Variants in FHIT observed in about 807,000 individuals in gnomAD.
The protein encoded by FHIT is fragile histidine triad diadenosine triphosphatase.
In FHIT, 19 loss-of-function variants were observed where a neutral mutation model predicts 17.9. The observed-to-expected ratio is 1.06, with a 90% confidence interval of 0.74 to 1.56. The LOEUF (loss-of-function observed/expected upper bound fraction) is 1.56. Among genes scored for constraint, FHIT ranks in the 40% most tolerant of loss-of-function variants. The pLI is 0.00. For missense variants in FHIT, 248 were observed against 189.2 expected (o/e 1.31, Z -1.82); for synonymous variants, 81 against 69.7 (o/e 1.16, Z -0.81).
intron 5 of FHIT, among the ~76,000 whole-genome samples, chr3:60,330,268 G>A (rs558437054): frequency 2.0e-5 from 3 of 152,226 alleles, no homozygotes; most frequent in South Asian, 2.1e-4. Flanking sequence ...GGATTCAAAC[G>A]GGTCATAAAC....
intron 8 of FHIT, among the ~76,000 whole-genome samples, chr3:59,778,295 T>G (rs1438049580): frequency 1.3e-5 from 2 of 151,968 alleles, no homozygotes; most frequent in Non-Finnish European, 1.5e-5. Context: ...GGATAAAGAG[T>G]AAAAGTGACG....
chr3:60,674,118 A>T (rs1458256559), intron 4 of FHIT, among the ~76,000 whole-genome samples: 3 of 152,118 alleles, frequency 2.0e-5, no homozygotes, highest in Non-Finnish European at 4.4e-5. Context: ...TGTTCTTCAG[A>T]TCAGACAATT....
At chr3:60,677,592 TGTG>T (rs2040651801) in intron 4 of FHIT, among the ~76,000 whole-genome samples, 1 of 151,594 alleles carries the variant, frequency 6.6e-6, no homozygotes, top group Non-Finnish European at 1.5e-5. Context: ...TGTATATACA[TGTG>T]GTGTGTGTGT....
chr3:59,796,283 C>T (rs115082158), intron 8 of FHIT, among the ~76,000 whole-genome samples: 414 of 152,236 alleles, frequency 2.7e-3, no homozygotes, highest in Non-Finnish European at 4.8e-3. Context: ...GGCTCTGGGC[C>T]ACCCAGACCC....
chr3:61,114,772 A>C (rs1294339527), intron 2 of FHIT, among the ~76,000 whole-genome samples: 1 of 151,964 alleles, frequency 6.6e-6, no homozygotes, highest in African/African-American at 2.4e-5. Flanking sequence ...GACCCGGTGG[A>C]CTTCCTGGTC....
chr3:60,488,828 G>C lies in FHIT; in HGVS notation c.103+48032C>G, dbSNP rs187038377. Among the ~76,000 whole-genome samples, 243 of 152,254 alleles carry C rather than the reference G, an allele frequency of 1.6e-3. 3 individuals carry two copies. Among genetic ancestry groups the C allele is most frequent in the Non-Finnish European group, 3.5e-4 (24 of 68,010 alleles). ...AGAAAGACCAGTTATCTAACAGCCA[G>C]AAGGAAAATCAAGATAAAAACTTGG... On this transcript the variant is annotated intron_variant, in intron 5 of 9. Transcript: ENST00000492590.
At chr3:60,020,959 T>G (rs1362665119) in intron 5 of FHIT, among the ~76,000 whole-genome samples, 1 of 152,224 alleles carries the variant, frequency 6.6e-6, no homozygotes, top group African/African-American at 2.4e-5. Flanking sequence ...CATCTTGCTT[T>G]GTTTGGGCCA....
At chr3:60,209,174 T>C (rs1280018242) in intron 5 of FHIT, among the ~76,000 whole-genome samples, 1 of 152,194 alleles carries the variant, frequency 6.6e-6, no homozygotes, top group East Asian at 1.9e-4. Flanking sequence ...AACATATTTT[T>C]AATATGTTAT....
At chr3:60,352,745 T>G (rs1012148472) in intron 5 of FHIT, among the ~76,000 whole-genome samples, 2 of 152,136 alleles carry the variant, frequency 1.3e-5, no homozygotes, top group African/African-American at 4.8e-5. Context: ...ACTCCTAGCT[T>G]CAAGTGATCC....
chr3:59,868,097 T>C (rs962051166), intron 8 of FHIT, among the ~76,000 whole-genome samples: 6 of 148,798 alleles, frequency 4.0e-5, no homozygotes, highest in Non-Finnish European at 7.4e-5. Flanking sequence ...GAATAAAGAC[T>C]GAACATGGCC....
intron 5 of FHIT, among the ~76,000 whole-genome samples, chr3:60,303,188 C>T (rs1325330068): frequency 6.6e-6 from 1 of 152,134 alleles, no homozygotes; most frequent in Non-Finnish European, 1.5e-5. Flanking sequence ...AAGCCTGTGA[C>T]AGAGGCTATC....
At chr3:61,087,233 T>A (rs541236853) in intron 2 of FHIT, among the ~76,000 whole-genome samples, 6 of 152,166 alleles carry the variant, frequency 3.9e-5, no homozygotes, top group Admixed American at 1.3e-4. Flanking sequence ...AGAAATAGAG[T>A]TTGAACTTTC....
intron 4 of FHIT, among the ~76,000 whole-genome samples, chr3:60,632,973 C>CTCTT (rs2039486083): frequency 6.6e-6 from 1 of 152,088 alleles, no homozygotes; most frequent in Admixed American, 6.6e-5. Context: ...AGGTAGGTAT[C>CTCTT]TTGTGAGCAA....
intron 8 of FHIT, among the ~76,000 whole-genome samples, chr3:59,814,942 C>G (rs1700544014): frequency 6.6e-6 from 1 of 152,212 alleles, no homozygotes; most frequent in Admixed American, 6.5e-5. Context: ...CCTTAACAGT[C>G]ATGAGTACAC....
At chr3:60,317,866 C>A (rs555068023) in intron 5 of FHIT, among the ~76,000 whole-genome samples, 1 of 151,194 alleles carries the variant, frequency 6.6e-6, no homozygotes, top group Non-Finnish European at 1.5e-5. Context: ...TCTTTGCTCA[C>A]TGCAACCTCC....
chr3:60,924,964 G>T (rs900506267), intron 3 of FHIT, among the ~76,000 whole-genome samples: 23 of 152,070 alleles, frequency 1.5e-4, no homozygotes, highest in Admixed American at 1.4e-3. Flanking sequence ...TATCAGTGAT[G>T]GAAGATCAAA....
In FHIT at chr3:60,768,351, A is replaced by G. The variant is rs138103184; in HGVS notation, c.-18+53568T>C. Among the ~76,000 whole-genome samples the G allele has an allele frequency of 3.7e-4, 56 of 152,350 alleles. No homozygotes were observed. The East Asian group carries it at 8.3e-3, about 23-fold the overall frequency. The stretch of plus-strand genomic sequence containing the variant: ...TACCAGAGTGTGAAAATATCTGTCT[A>G]TGTGAATGTAGACTAGAAGGTCCCC... On this transcript the variant is annotated intron_variant, in intron 4 of 9. Transcript: ENST00000492590.
intron 1 of FHIT, among the ~76,000 whole-genome samples, chr3:61,205,775 T>A (rs1357875982): frequency 6.6e-6 from 1 of 152,082 alleles, no homozygotes; most frequent in Non-Finnish European, 1.5e-5. Flanking sequence ...GGTTGCCTGT[T>A]CACTCTGATG....
rs1431404065 is a variant in FHIT at position 61,246,705 on chromosome 3, G to C, written c.-213+4596C>G. On this transcript the variant is annotated intron_variant, in intron 1 of 9. Transcript: ENST00000492590. ...CACCGGGGCCTGTTGTGGGGTAGAG[G>C]GGGAAGGGGAGGGAGAGCATTAGGA... Among the ~76,000 whole-genome samples the C allele has an allele frequency of 2.0e-5, 3 of 151,548 alleles. No homozygotes were observed. The East Asian group carries it at 5.8e-4, about 29-fold the overall frequency.
Sources: gnomAD v4.1 joint callset for allele counts (sites outside exome capture counted in the v4.1 genomes callset) on GRCh38, gnomAD v4.1.1 for gene constraint, MANE v1.5 for transcripts, NCBI Gene and HGNC (gene_info 2026-07-23, HGNC 2026-07-21) for gene names.